The following PLAGL1 variants were observed in gnomAD, a reference collection of about 807,000 sequenced individuals.
PLAGL1 encodes zinc finger protein PLAGL1.
A neutral mutation model predicts 4.6 loss-of-function variants in PLAGL1; 1 was observed. That is an observed-to-expected ratio of 0.22 (90% CI 0.08 to 1.03). PLAGL1 has a LOEUF of 1.03. PLAGL1 is among the 50% of genes least tolerant of loss of function. The pLI is 0.58. For missense variants in PLAGL1, 464 were observed against 570.4 expected (o/e 0.81, Z 1.90); for synonymous variants, 240 against 237.8 (o/e 1.01, Z -0.08).
At chr6:144,044,567 T>C (rs1177221140) in intron 1 of PLAGL1, among the ~76,000 whole-genome samples, 1 of 152,208 alleles carries the variant, frequency 6.6e-6, no homozygotes, top group Non-Finnish European at 1.5e-5. Flanking sequence ...TTCTGTCCTT[T>C]TACATTTGCT....
rs1780077843 is a variant in PLAGL1, at chr6:143,947,683, T to C, written c.152+302A>G. On this transcript the variant is annotated intron_variant, in intron 7 of 7. Transcript: ENST00000674357. This position sits in a 1 kb window ranked among gnomAD's most constrained non-coding sequence, Gnocchi z 4.3. The stretch of plus-strand genomic sequence containing the variant: ...TGAAGAACAACTTCTACCACCTGTA[T>C]AGCTCTGTCAAAGCAGTGAGGTTGC... 6.6e-6 allele frequency among the ~76,000 whole-genome samples: 1 copy of C among 152,218 alleles called. No homozygotes were observed. The highest frequency in any genetic ancestry group is 2.4e-5 in the African/African-American group (1 of 41,450).
In PLAGL1 at chr6:143,984,772, AT is replaced by A. The variant is rs1788668033; in HGVS notation, c.-544+362del. Among the ~76,000 whole-genome samples, 1 of 152,166 alleles carries A rather than the reference AT, an allele frequency of 6.6e-6. No homozygotes were observed. Among genetic ancestry groups the A allele is most frequent in the South Asian group, 2.1e-4 (1 of 4,838 alleles). On this transcript the variant is annotated intron_variant, in intron 2 of 7. Coordinates refer to ENST00000674357, the MANE Select transcript of PLAGL1 (RefSeq NM_001317162.2). The surrounding 1 kb of genome is among the most constrained non-coding windows in gnomAD (Gnocchi z 5.5). ...CCGTAAAAATGACACTTCATAGACTATTTAAAAACAAAGATACATAAATATG... is the reference window on the plus strand; with the variant it reads ...CCGTAAAAATGACACTTCATAGACTATTAAAAACAAAGATACATAAATATG...
rs2128727764 is a variant in PLAGL1 at position 144,055,264 on chromosome 6, AG to A, written c.-151+9203del. ...AGAGAAGAAAGCTTACCGAGTGCTT[AG>A]TTCAACACTTTCATTTTACATATAA... On this transcript the variant is annotated intron_variant, in intron 1 of 3. Coordinates refer to the PLAGL1 transcript ENST00000437412. The surrounding 1 kb of genome is among the most constrained non-coding windows in gnomAD (Gnocchi z 5.0). 6.6e-6 allele frequency among the ~76,000 whole-genome samples: 1 copy of A among 152,322 alleles called. No homozygotes were observed. Among genetic ancestry groups the A allele is most frequent in the South Asian group, 2.1e-4 (1 of 4,828 alleles).
chr6:144,062,689 G>T (rs189288296), intron 1 of PLAGL1, among the ~76,000 whole-genome samples: 168 of 152,194 alleles, frequency 1.1e-3, no homozygotes, highest in African/African-American at 3.9e-3. Flanking sequence ...TTATATTGCA[G>T]CCTGTTTTCA....
chr6:144,014,577 T>TTTTG (rs201267958), intron 1 of PLAGL1, among the ~76,000 whole-genome samples: 55 of 151,606 alleles, frequency 3.6e-4, no homozygotes, highest in African/African-American at 1.2e-3. Context: ...ATCTATTGGG[T>TTTTG]TTTGTTTGTT....
rs1254449266 is a variant in PLAGL1 at position 144,034,893 on chromosome 6, C to G, written c.-151+29575G>C. On this transcript the variant is annotated intron_variant, in intron 1 of 3. Transcript: ENST00000437412. This position sits in a 1 kb window ranked among gnomAD's most constrained non-coding sequence, Gnocchi z 4.7. Reference sequence around the variant, plus strand: ...ACTAATACTCCTCCCAGAGCCTGATCTAGGACTACAGCTGAAGGCTTTCAG... The same window carrying G: ...ACTAATACTCCTCCCAGAGCCTGATGTAGGACTACAGCTGAAGGCTTTCAG... Among the ~76,000 whole-genome samples the G allele has an allele frequency of 6.6e-6, 1 of 152,158 alleles. No individual in the cohort carries two copies. The highest frequency in any genetic ancestry group is 1.5e-5 in the Non-Finnish European group (1 of 68,028).
intron 1 of PLAGL1, among the ~76,000 whole-genome samples, chr6:144,060,082 C>G (rs186876282): frequency 2.6e-5 from 4 of 151,788 alleles, no homozygotes; most frequent in Admixed American, 2.0e-4. Context: ...GGGTCTTACT[C>G]TGTTGCCCAG....
rs1479036945 is a variant in PLAGL1 at position 143,947,183 on chromosome 6, C to A, written c.152+802G>T. Among the ~76,000 whole-genome samples, 1 of 152,094 alleles carries A rather than the reference C, an allele frequency of 6.6e-6. No homozygotes were observed. The highest frequency in any genetic ancestry group is 1.5e-5 in the Non-Finnish European group (1 of 68,012). ...ATGCACATGCTGCTCATCTGCATAC[C>A]CACCTGAACTCCACTTACTAGGGTG... On this transcript the variant is annotated intron_variant, in intron 7 of 7. Coordinates refer to ENST00000674357, the MANE Select transcript of PLAGL1 (RefSeq NM_001317162.2). The surrounding 1 kb of genome is among the most constrained non-coding windows in gnomAD (Gnocchi z 4.3).
chr6:143,992,263 A>G (rs1270248914), intron 1 of PLAGL1, among the ~76,000 whole-genome samples: 1 of 152,232 alleles, frequency 6.6e-6, no homozygotes, highest in African/African-American at 2.4e-5. Context: ...TTTGAACCAC[A>G]GTGGCTGAGA....
chr6:143,945,781 G>A lies in PLAGL1; in HGVS notation c.152+2204C>T, dbSNP rs1779635821. Among the ~76,000 whole-genome samples, 1 of 152,016 alleles carries A rather than the reference G, an allele frequency of 6.6e-6. No individual in the cohort carries two copies. ...TCATCTTTTTTTTAAAAGCAAAACC[G>A]AAAGCATCCTGCCATCTCACACTCT... On this transcript the variant is annotated intron_variant, in intron 7 of 7. Transcript: ENST00000674357. The surrounding 1 kb of genome is among the most constrained non-coding windows in gnomAD (Gnocchi z 4.2).
In PLAGL1 at chr6:143,962,189, GA is replaced by G. The variant is rs1185285592; in HGVS notation, c.-398-1648del. On this transcript the variant is annotated intron_variant, in intron 5 of 7. Coordinates refer to ENST00000674357, the MANE Select transcript of PLAGL1 (RefSeq NM_001317162.2). The surrounding 1 kb of genome is among the most constrained non-coding windows in gnomAD (Gnocchi z 5.3). ...GCCCAAGGCAGGCCTGGTCTGGGGG[GA>G]AAATCATGTGCAGTATATGACGATT... Among the ~76,000 whole-genome samples, 2 of 152,154 alleles carry G rather than the reference GA, an allele frequency of 1.3e-5. No homozygotes were observed. The highest frequency in any genetic ancestry group is 2.4e-5 in the African/African-American group (1 of 41,430).
rs1794323959 is a variant in PLAGL1, at chr6:144,006,900, G to A, written c.-584+1190C>T. 1.3e-5 allele frequency: 2 copies of A among 152,094 alleles called. No homozygotes were observed. The highest frequency in any genetic ancestry group is 2.9e-5 in the Non-Finnish European group (2 of 68,028). The allele number at this position is 152,094 out of a possible 1,614,324, so 9.4% of individuals were successfully genotyped here. On this transcript the variant is annotated intron_variant, in intron 1 of 7. Coordinates refer to ENST00000674357, the MANE Select transcript of PLAGL1 (RefSeq NM_001317162.2). This position sits in a 1 kb window ranked among gnomAD's most constrained non-coding sequence, Gnocchi z 4.3. ...GGAGGGGGAGAGAGATTCATAAAGC[G>A]AACACCCCTATGACCTGAGAGACAC...
At chr6:143,980,003 G>GATTAACAGT (rs1175340738) in intron 2 of PLAGL1, among the ~76,000 whole-genome samples, 2 of 152,020 alleles carry the variant, frequency 1.3e-5, no homozygotes, top group African/African-American at 4.8e-5. Flanking sequence ...TAGATTTCTA[G>GATTAACAGT]ATTAACAGTT....
At chr6:144,014,209 T>C (rs1795404408) in intron 1 of PLAGL1, among the ~76,000 whole-genome samples, 1 of 152,026 alleles carries the variant, frequency 6.6e-6, no homozygotes, top group African/African-American at 2.4e-5. Context: ...GGCGGGCAGA[T>C]CATTTGAGGT....
chr6:143,965,932 G>A lies in PLAGL1; in HGVS notation c.-431+226C>T, dbSNP rs1367964103. 6.6e-6 allele frequency: 1 copy of A among 152,276 alleles called. No individual in the cohort carries two copies. 9.4% of individuals were successfully genotyped at this position (152,276 alleles called of 1,614,324 possible). A position where few individuals can be genotyped will look rare whatever the true frequency, so the allele number is the denominator to read the frequency against. The stretch of plus-strand genomic sequence containing the variant: ...ATGGGGAGGGATGCTAGAGAATGGA[G>A]AACGAGTTCACTCTATTGGCCCAAA... On this transcript the variant is annotated intron_variant, in intron 4 of 7. Transcript: ENST00000674357. The surrounding 1 kb of genome is among the most constrained non-coding windows in gnomAD (Gnocchi z 7.5).
Position 144,064,327 on chromosome 6 carries a change from T to A in PLAGL1, c.-151+141A>T, listed in dbSNP as rs1051151822. On this transcript the variant is annotated intron_variant, in intron 1 of 3. Transcript: ENST00000437412. This position sits in a 1 kb window ranked among gnomAD's most constrained non-coding sequence, Gnocchi z 6.8. ...AGGCTACCTCGCCTGGCCCGCGGAC[T>A]CCGCGCGGCACGTGGGCACCTGCGG... 6.6e-6 allele frequency: 1 copy of A among 151,800 alleles called. No homozygotes were observed. Among genetic ancestry groups the A allele is most frequent in the African/African-American group, 2.4e-5 (1 of 41,368 alleles). 9.4% of individuals were successfully genotyped at this position (151,800 alleles called of 1,614,324 possible).
At position 144,053,150 on chromosome 6, in the gene PLAGL1, T is replaced by C. The variant is rs1450382501; in HGVS notation, c.-151+11318A>G. Reference sequence around the variant, plus strand: ...GCCAAAATCAATCAATCAATCATTTTTTTTGAAATGGTCTCACTCTGTCGC... The same window carrying C: ...GCCAAAATCAATCAATCAATCATTTCTTTTGAAATGGTCTCACTCTGTCGC... On this transcript the variant is annotated intron_variant, in intron 1 of 3. Coordinates refer to the PLAGL1 transcript ENST00000437412. This position sits in a 1 kb window ranked among gnomAD's most constrained non-coding sequence, Gnocchi z 4.0. 6.6e-6 allele frequency among the ~76,000 whole-genome samples: 1 copy of C among 152,226 alleles called. No homozygotes were observed. The highest frequency in any genetic ancestry group is 1.5e-5 in the Non-Finnish European group (1 of 68,046).
At chr6:144,009,062 G>A (rs889099495), upstream of PLAGL1, among the ~76,000 whole-genome samples, 4 of 152,212 alleles carry the variant, frequency 2.6e-5, no homozygotes, top group Non-Finnish European at 5.9e-5. Flanking sequence ...TACGTAAAAA[G>A]ATTAAGAGAG....
At chr6:144,038,909 C>A (rs765711671) in intron 1 of PLAGL1, among the ~76,000 whole-genome samples, 20 of 152,122 alleles carry the variant, frequency 1.3e-4, no homozygotes, top group Non-Finnish European at 2.9e-4. Flanking sequence ...TATGAATATA[C>A]TAAAAGCCAT....
Sources: allele counts gnomAD v4.1 joint callset (sites outside exome capture counted in the v4.1 genomes callset), GRCh38; gene constraint gnomAD v4.1.1; non-coding constraint Gnocchi (gnomAD v3.1); transcripts MANE v1.5; gene names NCBI Gene and HGNC (gene_info 2026-07-23, HGNC 2026-07-21).